Variants in LMBR1 observed in about 807,000 individuals in gnomAD.
LMBR1 encodes limb region 1 protein homolog.
A neutral mutation model predicts 73.9 loss-of-function variants in LMBR1; 52 were observed. The ratio of observed to expected loss-of-function variants is 0.70; its 90% CI spans 0.56 to 0.89. The LOEUF (loss-of-function observed/expected upper bound fraction) is 0.89, where lower values mean the gene tolerates loss of function less well. Among genes scored for constraint, LMBR1 ranks in the 40% least tolerant of loss-of-function variants. LMBR1 has a pLI of 0.00. For synonymous variants in LMBR1, 215 were observed against 209.4 expected (o/e 1.03, Z -0.23); for missense variants, 539 against 579.8 (o/e 0.93, Z 0.72).
chr7:156,781,269 C>T (rs1254931233), intron 5 of LMBR1, among the ~76,000 whole-genome samples: 1 of 152,126 alleles, frequency 6.6e-6, no homozygotes, highest in Non-Finnish European at 1.5e-5. Context: ...GCAAATAATA[C>T]TTTACACAAA....
chr7:156,832,575 C>A (rs909259169), intron 3 of LMBR1, among the ~76,000 whole-genome samples: 1 of 152,198 alleles, frequency 6.6e-6, no homozygotes, highest in African/African-American at 2.4e-5. Context: ...GCTTCGCTCA[C>A]TTACTATGGT....
Position 156,684,097 on chromosome 7 carries a change from C to T in LMBR1, c.1454G>A (p.Gly485Glu). The T allele has an allele frequency of 6.2e-7, 1 of 1,613,480 alleles. No homozygotes were observed. The highest frequency in any genetic ancestry group is 8.5e-7 in the Non-Finnish European group (1 of 1,179,786). ...TGCGTCTCACAGTGCTTTCTGATGC[C>T]CATTTACAGAAGGCTTGGCTGTTTC... ...DSETAKPSVN[G>E]HQKAL The change falls in exon 17 of 17, where the codon GGG becomes GAG. Residue 485 changes from glycine to glutamate, a missense_variant. Transcript: ENST00000353442.
At chr7:156,804,914 C>A (rs1445784756) in intron 4 of LMBR1, among the ~76,000 whole-genome samples, 1 of 152,006 alleles carries the variant, frequency 6.6e-6, no homozygotes, top group Non-Finnish European at 1.5e-5. Flanking sequence ...TGGCCTAGTT[C>A]AATGTTACAA....
At chr7:156,752,353 T>G (rs1821060539) in intron 9 of LMBR1, among the ~76,000 whole-genome samples, 1 of 152,202 alleles carries the variant, frequency 6.6e-6, no homozygotes, top group South Asian at 2.1e-4. Context: ...TTCTTCTGTC[T>G]CTTTCTGGGA....
rs990668050 is a variant in LMBR1 at position 156,863,554 on chromosome 7, C to T, written c.67-26669G>A. ...CTATATTCCATCATGCTAATACACTCGGCAAGGTAAAATTTGCTTATGTTC... is the reference window on the plus strand; with the variant it reads ...CTATATTCCATCATGCTAATACACTTGGCAAGGTAAAATTTGCTTATGTTC... On this transcript the variant is annotated intron_variant, in intron 1 of 16. Transcript: ENST00000353442. Among the ~76,000 whole-genome samples, 4 of 152,242 alleles carry T rather than the reference C, an allele frequency of 2.6e-5. No individual in the cohort carries two copies. The East Asian group carries it at 7.7e-4, about 29-fold the overall frequency.
At chr7:156,840,964 CAAAA>C (rs57968006) in intron 1 of LMBR1, among the ~76,000 whole-genome samples, 2 of 71,432 alleles carry the variant, frequency 2.8e-5, no homozygotes, top group Non-Finnish European at 2.8e-5. Context: ...GACTCGGTCT[CAAAA>C]AAAAAAAAAA....
intron 4 of LMBR1, among the ~76,000 whole-genome samples, chr7:156,819,804 C>A (rs566238279): frequency 3.3e-5 from 5 of 152,052 alleles, no homozygotes; most frequent in Non-Finnish European, 5.9e-5. Context: ...CAACTCAGAG[C>A]GGGTCCCTGA....
At chr7:156,850,621 C>G (rs564386808) in intron 1 of LMBR1, among the ~76,000 whole-genome samples, 2 of 151,968 alleles carry the variant, frequency 1.3e-5, no homozygotes, top group Admixed American at 1.3e-4. Context: ...AACAATAGTT[C>G]TTTCCTCCAG....
intron 4 of LMBR1, among the ~76,000 whole-genome samples, chr7:156,826,055 C>T (rs1835631095): frequency 6.6e-6 from 1 of 152,244 alleles, no homozygotes; most frequent in African/African-American, 2.4e-5. Context: ...TCACGGCTCA[C>T]TGCAATCTCC....
chr7:156,695,867 G>A (rs1365480524), intron 15 of LMBR1, among the ~76,000 whole-genome samples: 1 of 143,702 alleles, frequency 7.0e-6, no homozygotes, highest in African/African-American at 2.6e-5. Context: ...GACACTGATG[G>A]AAAAAAAAAA....
At chr7:156,677,577 T>C (rs1466570643), downstream of LMBR1, among the ~76,000 whole-genome samples, 2 of 152,068 alleles carry the variant, frequency 1.3e-5, no homozygotes, top group Non-Finnish European at 2.9e-5. Flanking sequence ...AAGGGCAGGG[T>C]GTAGGCCTAA....
intron 1 of LMBR1, among the ~76,000 whole-genome samples, chr7:156,859,014 G>A (rs1053219605): frequency 1.3e-5 from 2 of 152,142 alleles, no homozygotes; most frequent in Non-Finnish European, 2.9e-5. Context: ...AGCACTTTGG[G>A]AGGCCGAGGC....
intron 1 of LMBR1, among the ~76,000 whole-genome samples, chr7:156,862,384 G>C (rs1797853713): frequency 6.6e-6 from 1 of 152,104 alleles, no homozygotes; most frequent in Non-Finnish European, 1.5e-5. Context: ...CATGAGAATT[G>C]TAGGAGCTAC....
chr7:156,725,507 A>G lies in LMBR1; in HGVS notation c.1086T>C (p.Ser362=), dbSNP rs1175589788. 6.2e-7 allele frequency: 1 copy of G among 1,605,118 alleles called. No individual in the cohort carries two copies. The highest frequency in any genetic ancestry group is 1.3e-5 in the African/African-American group (1 of 74,350). Residue 362 remains serine, a synonymous_variant, in exon 14 of 17, where the codon TCT becomes TCC. Transcript: ENST00000353442. ...IILIFYLMVS[S]VVGFYSLRFF... ...ATCGAAGGCTATAGAAGCCGACAAC[A>G]GAGGACACCATAAGATAGCTGTGAG...
intron 15 of LMBR1, among the ~76,000 whole-genome samples, chr7:156,693,577 GC>G (rs1807675687): frequency 6.6e-6 from 1 of 152,040 alleles, no homozygotes; most frequent in South Asian, 2.1e-4. Context: ...CATACAATCT[GC>G]CCAGACTAAC....
chr7:156,811,480 C>T (rs1475720546), intron 4 of LMBR1, among the ~76,000 whole-genome samples: 2 of 152,014 alleles, frequency 1.3e-5, no homozygotes, highest in Non-Finnish European at 2.9e-5. Context: ...CATGGTGGCA[C>T]ACGCCTGTAG....
At chr7:156,861,875 T>C (rs1276033847) in intron 1 of LMBR1, among the ~76,000 whole-genome samples, 4 of 152,200 alleles carry the variant, frequency 2.6e-5, no homozygotes, top group Admixed American at 2.0e-4. Context: ...TGGATTCCAC[T>C]GTCCATATCA....
intron 9 of LMBR1, among the ~76,000 whole-genome samples, chr7:156,735,354 A>C (rs952665158): frequency 1.3e-5 from 2 of 152,130 alleles, no homozygotes; most frequent in Non-Finnish European, 2.9e-5. Context: ...TTACTTTAAC[A>C]TGCATTTCCC....
intron 15 of LMBR1, among the ~76,000 whole-genome samples, chr7:156,699,550 C>T (rs1809144820): frequency 6.6e-6 from 1 of 151,830 alleles, no homozygotes; most frequent in Non-Finnish European, 1.5e-5. Context: ...CCAAAATTGA[C>T]AAATGGGATC....
Sources: gnomAD v4.1 joint callset for allele counts (sites outside exome capture counted in the v4.1 genomes callset) on GRCh38, gnomAD v4.1.1 for gene constraint, MANE v1.5 for transcripts, NCBI Gene and HGNC (gene_info 2026-07-23, HGNC 2026-07-21) for gene names.